Variants in FAM111A observed in about 807,000 individuals in gnomAD.
The protein encoded by FAM111A is FAM111 trypsin like peptidase A.
A neutral mutation model predicts 3.3 loss-of-function variants in FAM111A; 8 were observed. The observed-to-expected ratio is 2.39, with a 90% CI of 1.40 to 4.32. The LOEUF is 4.32. FAM111A is among the 30% of genes most tolerant of loss of function. The pLI, the probability that FAM111A is intolerant of heterozygous loss-of-function variation, is 0.00. For synonymous variants in FAM111A, 227 were observed against 243.1 expected (o/e 0.93, Z 0.62); for missense variants, 683 against 727.6 (o/e 0.94, Z 0.71).
chr11:59,152,793 T>A lies in FAM111A; in HGVS notation c.1125T>A (p.Phe375Leu). The A allele has an allele frequency of 4.3e-6, 7 of 1,614,200 alleles. No individual in the cohort carries two copies. Among genetic ancestry groups the A allele is most frequent in the Non-Finnish European group, 5.1e-6 (6 of 1,180,022 alleles). Reference protein sequence around the residue: ...ATTGYATCFVFKGLFILTCRH... With the variant: ...ATTGYATCFVLKGLFILTCRH... ...CGGGTTACGCCACCTGCTTTGTTTT[T>A]AAAGGATTGTTCATTTTAACTTGTC... The change falls in exon 6 of 6, where the codon TTT (phenylalanine) becomes TTA (leucine). Residue 375 changes from phenylalanine to leucine, a missense_variant. Transcript: ENST00000675163.
intron 5 of FAM111A, 108 bp from the exon 6 acceptor site, chr11:59,151,642 A>G: frequency 1.3e-6 from 1 of 799,372 alleles, no homozygotes. Context: ...GCCCTTTTAG[A>G]TTGGTTCTCA....
chr11:59,152,471 T>C lies in FAM111A; in HGVS notation c.803T>C (p.Val268Ala). The C allele has an allele frequency of 6.2e-7, 1 of 1,612,130 alleles. No homozygotes were observed. Among genetic ancestry groups the C allele is most frequent in the Non-Finnish European group, 8.5e-7 (1 of 1,178,378 alleles). The stretch of plus-strand genomic sequence containing the variant: ...GAAGGCAGATACTTTCAGGTTGAGG[T>C]TGAGAAAAGAATGGTCCCCAGTGCA... ...ELEGRYFQVE[V>A]EKRMVPSAAA... Residue 268 changes from valine to alanine, a missense_variant, in exon 6 of 6, where the codon GTT becomes GCT. Coordinates refer to ENST00000675163, the MANE Select transcript of FAM111A (RefSeq NM_001312909.2).
rs1372073229 is a variant in FAM111A at position 59,153,285 on chromosome 11, G to A, written c.1617G>A (p.Gly539=). 2.5e-6 allele frequency: 4 copies of A among 1,613,962 alleles called. No homozygotes were observed. Among genetic ancestry groups the A allele is most frequent in the South Asian group, 1.1e-5 (1 of 91,080 alleles). ...VITYDTEFFF[G]ASGSPVFDSK... ...CCTATGACACTGAATTTTTCTTTGG[G>A]GCTTCCGGCTCCCCTGTGTTTGATT... Residue 539 remains glycine (G), a synonymous_variant, in exon 6 of 6, where the codon GGG becomes GGA. Coordinates refer to ENST00000675163, the MANE Select transcript of FAM111A (RefSeq NM_001312909.2).
rs1860366330 is a variant in FAM111A at position 59,143,070 on chromosome 11, T to C, written c.-527-13T>C. On this transcript the variant is annotated splice_polypyrimidine_tract_variant and intron_variant, in intron 1 of 5. Transcript: ENST00000675163. ...CCTTGCCTTTCCAACCACTCTTTTT[T>C]GCACGCCAACAGGTGTCCCCAGCGC... 1 of 152,296 alleles carries C rather than the reference T, an allele frequency of 6.6e-6. No homozygotes were observed. Among genetic ancestry groups the C allele is most frequent in the Non-Finnish European group, 1.5e-5 (1 of 68,116 alleles). The allele number at this position is 152,296 out of a possible 1,614,324, so 9.4% of individuals were successfully genotyped here.
At chr11:59,148,642 G>T in intron 4 of FAM111A, 155 bp from the exon 5 acceptor site, 1 of 478,258 alleles carries the variant, frequency 2.1e-6, no homozygotes, top group Non-Finnish European at 3.7e-6. Flanking sequence ...CAGTGTTCTC[G>T]AAAAGAGAGC....
intron 4 of FAM111A, among the ~76,000 whole-genome samples, chr11:59,147,907 G>A (rs1201463289): frequency 6.6e-6 from 1 of 152,194 alleles, no homozygotes; most frequent in Non-Finnish European, 1.5e-5. Flanking sequence ...ATCTCATAGG[G>A]TTGTAAGAAT....
chr11:59,151,823 CAACT>C lies in FAM111A; in HGVS notation c.158_161del (p.Thr53IlefsTer29). ...GAGTCTAGAGGAGACCCAAGAGCCACAACTAATACCCAGGCTCAAAGATTCCATT... is the reference window on the plus strand; with the variant it reads ...GAGTCTAGAGGAGACCCAAGAGCCACAATACCCAGGCTCAAAGATTCCATT... On this transcript the variant is annotated frameshift_variant, in exon 6 of 6. Coordinates refer to ENST00000675163, the MANE Select transcript of FAM111A (RefSeq NM_001312909.2). LOFTEE classifies it low-confidence loss of function (END_TRUNC). 1.2e-6 allele frequency: 2 copies of C among 1,614,094 alleles called. No individual in the cohort carries two copies. Among genetic ancestry groups the C allele is most frequent in the Non-Finnish European group, 1.7e-6 (2 of 1,179,956 alleles).
intron 4 of FAM111A, among the ~76,000 whole-genome samples, chr11:59,147,383 T>G (rs1456957910): frequency 3.3e-5 from 5 of 152,232 alleles, no homozygotes; most frequent in Admixed American, 1.3e-4. Context: ...AGAATGTTAA[T>G]TTCCTGGGCT....
rs1208259598 is a variant in FAM111A, at chr11:59,152,402, A to G, written c.734A>G (p.Asn245Ser). The change falls in exon 6 of 6, where the codon AAC becomes AGC. Residue 245 changes from asparagine (N) to serine (S), a missense_variant. This residue lies in a region of FAM111A where 557 missense variants were observed against 600.2 expected (regional missense o/e 0.93). Transcript: ENST00000675163. The part of the protein sequence containing the change: ...LENDDWKLIE[N>S]NDTILESTQP... Reference sequence around the variant, plus strand: ...AATGATGATTGGAAACTCATTGAAAACAATGACACCATTTTAGAAAGCACC... The same window carrying G: ...AATGATGATTGGAAACTCATTGAAAGCAATGACACCATTTTAGAAAGCACC... 6.2e-7 allele frequency: 1 copy of G among 1,614,030 alleles called. No homozygotes were observed. Among genetic ancestry groups the G allele is most frequent in the Non-Finnish European group, 8.5e-7 (1 of 1,180,020 alleles).
chr11:59,143,629 G>T lies in FAM111A; in HGVS notation c.-173G>T, dbSNP rs968961361. 5.3e-5 allele frequency: 8 copies of T among 152,198 alleles called. No homozygotes were observed. The highest frequency in any genetic ancestry group is 1.9e-4 in the African/African-American group (8 of 41,438). The allele number at this position is 152,198 out of a possible 1,614,324, so 9.4% of individuals were successfully genotyped here. The stretch of plus-strand genomic sequence containing the variant: ...GTGCAGCAAACATCATCTCAAGTGC[G>T]TTTTCCCAACTACGCTTCTTTCCAG... On this transcript the variant is annotated 5_prime_UTR_variant, in exon 3 of 6. Transcript: ENST00000675163.
chr11:59,152,642 CAT>C lies in FAM111A; in HGVS notation c.975_976del (p.Leu326IlefsTer2). The C allele has an allele frequency of 6.2e-7, 1 of 1,613,424 alleles. No individual in the cohort carries two copies. The highest frequency in any genetic ancestry group is 8.5e-7 in the Non-Finnish European group (1 of 1,179,846). ...AAAATGAAAGTAAAAAATGGGGAAA[CAT>C]TATTTGAATTGCATAGAACAACGTT... On this transcript the variant is annotated frameshift_variant, in exon 6 of 6. Transcript: ENST00000675163. LOFTEE classifies it low-confidence loss of function (END_TRUNC).
In FAM111A at chr11:59,153,169, G is replaced by A; in HGVS notation, c.1501G>A (p.Val501Ile). Residue 501 changes from valine to isoleucine, a missense_variant, in exon 6 of 6, where the codon GTT becomes ATT. Val to Ile is a conservative substitution (Grantham distance 29). This residue lies in a region of FAM111A where 557 missense variants were observed against 600.2 expected (regional missense o/e 0.93). Coordinates refer to ENST00000675163, the MANE Select transcript of FAM111A (RefSeq NM_001312909.2). ...GQRAKKCQER[V>I]QSKKAESPEY... ...GCGAGCAAAGAAATGTCAGGAACGT[G>A]TTCAGTCTAAAAAAGCAGAAAGTCC... 1.2e-6 allele frequency: 2 copies of A among 1,614,196 alleles called. No homozygotes were observed. Among genetic ancestry groups the A allele is most frequent in the Admixed American group, 1.7e-5 (1 of 60,010 alleles).
intron 5 of FAM111A, among the ~76,000 whole-genome samples, chr11:59,149,775 G>T (rs962474913): frequency 6.6e-6 from 1 of 152,156 alleles, no homozygotes; most frequent in African/African-American, 2.4e-5. Context: ...TTGTTTATTG[G>T]AGAAGAGGGA....
At chr11:59,144,787 A>C (rs552093314) in intron 3 of FAM111A, 3 of 152,414 alleles carry the variant, frequency 2.0e-5, no homozygotes, top group African/African-American at 7.2e-5. Context: ...CCCTAGCCCC[A>C]CCTGCTCCGT....
intron 4 of FAM111A, among the ~76,000 whole-genome samples, chr11:59,147,921 A>G (rs1434062745): frequency 6.6e-6 from 1 of 152,262 alleles, no homozygotes; most frequent in African/African-American, 2.4e-5. Flanking sequence ...TAAGAATTAC[A>G]TGAGATAGTT....
Position 59,148,902 on chromosome 11 carries a change from G to C in FAM111A, c.30G>C (p.Lys10Asn). Residue 10 changes from lysine (K) to asparagine (N), a missense_variant, in exon 5 of 6, where the codon AAG becomes AAC. Physicochemically the swap from Lys to Asn is moderately conservative, Grantham distance 94. This residue lies in a region of FAM111A where 557 missense variants were observed against 600.2 expected (regional missense o/e 0.93). Coordinates refer to ENST00000675163, the MANE Select transcript of FAM111A (RefSeq NM_001312909.2). MSCKKQRSR[K>N]HSVNEKCNMK... The stretch of plus-strand genomic sequence containing the variant: ...GCTGTAAGAAGCAGAGGTCACGGAA[G>C]CACTCAGTCAATGAAAAATGTAATA... 6.2e-7 allele frequency: 1 copy of C among 1,613,840 alleles called. No individual in the cohort carries two copies. Among genetic ancestry groups the C allele is most frequent in the Non-Finnish European group, 8.5e-7 (1 of 1,179,766 alleles).
In FAM111A at chr11:59,152,371, C is replaced by T; in HGVS notation, c.703C>T (p.Leu235=). 1.2e-6 allele frequency: 2 copies of T among 1,614,140 alleles called. No individual in the cohort carries two copies. The highest frequency in any genetic ancestry group is 8.5e-7 in the Non-Finnish European group (1 of 1,180,014). Residue 235 remains leucine, a synonymous_variant, in exon 6 of 6, where the codon CTG becomes TTG. Coordinates refer to ENST00000675163, the MANE Select transcript of FAM111A (RefSeq NM_001312909.2). ...CAAGGATGGCAGATTTCTTTCCTTT[C>T]TGGAGAATGATGATTGGAAACTCAT... The part of the protein sequence containing the change: ...LCKDGRFLSF[L]ENDDWKLIEN...
At chr11:59,150,553 A>G (rs1400090308) in intron 5 of FAM111A, among the ~76,000 whole-genome samples, 1 of 152,090 alleles carries the variant, frequency 6.6e-6, no homozygotes, top group African/African-American at 2.4e-5. Flanking sequence ...AGACACTCTA[A>G]TTTTTCACTG....
At chr11:59,147,850 C>G (rs1861131133) in intron 4 of FAM111A, among the ~76,000 whole-genome samples, 1 of 152,234 alleles carries the variant, frequency 6.6e-6, no homozygotes, top group East Asian at 1.9e-4. Context: ...TTTAATCTCC[C>G]TGGGTGTTCA....
Sources: gnomAD v4.1 joint callset for allele counts (sites outside exome capture counted in the v4.1 genomes callset) on GRCh38, gnomAD v4.1.1 for gene constraint, gnomAD v4.1.1 regional missense constraint, MANE v1.5 for transcripts, NCBI Gene and HGNC (gene_info 2026-07-23, HGNC 2026-07-21) for gene names.